SERPINE2: variants seen among roughly 807,000 people sequenced by gnomAD.
SERPINE2 encodes the protein serpin family E member 2.
A neutral mutation model predicts 36.3 loss-of-function variants in SERPINE2; 14 were observed. The observed-to-expected ratio is 0.39, with a 90% CI of 0.25 to 0.60. SERPINE2 has a LOEUF of 0.60. Among genes scored for constraint, SERPINE2 ranks in the 20% least tolerant of loss-of-function variants. The pLI is 0.57. For synonymous variants in SERPINE2, 192 were observed against 191.8 expected, an observed-to-expected ratio of 1.00 and a Z score of -0.01; for missense variants, 418 against 499.6, an observed-to-expected ratio of 0.84 and a Z score of 1.56.
At chr2:224,038,786 C>G (rs1439544243) in intron 1 of SERPINE2, 4 of 499,478 alleles carry the variant, frequency 8.0e-6, no homozygotes, top group African/African-American at 3.9e-5. Flanking sequence ...CCCCGGTGCT[C>G]CCAGCTGCGG....
In SERPINE2 at chr2:224,001,946, T is replaced by C. The variant is rs748146894; in HGVS notation, c.-22-24A>G. On this transcript the variant is annotated intron_variant, in intron 1 of 8. Transcript: ENST00000409304. ...ACCTGGAAAAGTAAGTTAAAAAATATTTAAATTATACTTAAATGGGTACTT... is the reference window on the plus strand; with the variant it reads ...ACCTGGAAAAGTAAGTTAAAAAATACTTAAATTATACTTAAATGGGTACTT... 2.5e-5 allele frequency: 40 copies of C among 1,579,120 alleles called. No homozygotes were observed. In the Admixed American group the frequency reaches 5.6e-4, roughly 22 times the overall value.
intron 7 of SERPINE2, chr2:223,979,117 G>A (rs1186756877): frequency 2.6e-5 from 4 of 152,234 alleles, no homozygotes; most frequent in Non-Finnish European, 5.9e-5. Flanking sequence ...ACGGTATTTT[G>A]TCATGGCAGC....
At chr2:223,994,667 A>G (rs1228439674) in intron 3 of SERPINE2, among the ~76,000 whole-genome samples, 1 of 152,230 alleles carries the variant, frequency 6.6e-6, no homozygotes, top group African/African-American at 2.4e-5. Context: ...GAATTACTCA[A>G]GGCTATGGAG....
At chr2:224,010,987 T>C (rs1691606244) in intron 1 of SERPINE2, among the ~76,000 whole-genome samples, 1 of 152,208 alleles carries the variant, frequency 6.6e-6, no homozygotes. Context: ...AAGACAATGC[T>C]GGTGCGTTTT....
chr2:224,039,171 G>A lies in SERPINE2; in HGVS notation c.-95C>T, dbSNP rs1361718512. The A allele has an allele frequency of 1.3e-5, 2 of 151,180 alleles. No homozygotes were observed. The highest frequency in any genetic ancestry group is 4.8e-5 in the African/African-American group (2 of 41,318). 9.4% of individuals were successfully genotyped at this position (151,180 alleles called of 1,614,324 possible). On this transcript the variant is annotated 5_prime_UTR_variant, in exon 1 of 9. Coordinates refer to ENST00000409304, the MANE Select transcript of SERPINE2 (RefSeq NM_001136528.2). The surrounding 1 kb of genome is among the most constrained non-coding windows in gnomAD (Gnocchi z 5.2). ...GCAACCGGAGCGGGAGCCTGGTCTC[G>A]GCGGCGCGGGGAGTCGGAGGACGCA...
chr2:224,035,432 G>A (rs572616829), intron 1 of SERPINE2, among the ~76,000 whole-genome samples: 6 of 147,378 alleles, frequency 4.1e-5, no homozygotes, highest in African/African-American at 7.4e-5. Context: ...ACCCAGGCTC[G>A]AGAACAGTGG....
chr2:223,978,809 C>G (rs536227606), intron 7 of SERPINE2: 1 of 152,358 alleles, frequency 6.6e-6, no homozygotes, highest in Admixed American at 6.5e-5. Flanking sequence ...GTGTCTCCCC[C>G]CAAATTCATA....
At chr2:224,030,357 G>T in intron 1 of SERPINE2, 1 of 351,412 alleles carries the variant, frequency 2.8e-6, no homozygotes, top group Non-Finnish European at 4.0e-6. Flanking sequence ...ATGAGTCTCA[G>T]AGAAGTGCTC....
chr2:224,024,383 G>A (rs948863480), intron 1 of SERPINE2, among the ~76,000 whole-genome samples: 10 of 152,202 alleles, frequency 6.6e-5, no homozygotes, highest in South Asian at 4.1e-4. Context: ...ACATGGTTCC[G>A]AACCTGGATT....
At chr2:224,029,718 G>C (rs975448301) in intron 1 of SERPINE2, among the ~76,000 whole-genome samples, 1 of 152,056 alleles carries the variant, frequency 6.6e-6, no homozygotes, top group Non-Finnish European at 1.5e-5. Context: ...GTTTTATTTT[G>C]AGACAGAGCC....
intron 1 of SERPINE2, among the ~76,000 whole-genome samples, chr2:224,005,868 G>C (rs1345788871): frequency 6.6e-6 from 1 of 152,218 alleles, no homozygotes; most frequent in Non-Finnish European, 1.5e-5. Flanking sequence ...TTGGAGGGAA[G>C]ATCATAAGCC....
intron 4 of SERPINE2, chr2:223,985,156 A>G: frequency 1.7e-6 from 1 of 578,546 alleles, no homozygotes; most frequent in South Asian, 2.1e-5. Flanking sequence ...GTCTAGACAG[A>G]ATGCCTTTGG....
At chr2:224,010,276 G>A in intron 1 of SERPINE2, 1 of 847,554 alleles carries the variant, frequency 1.2e-6, no homozygotes, top group South Asian at 5.4e-5. Context: ...TGCCTTCAAA[G>A]TGTATGCTCA....
chr2:224,036,167 C>G (rs1692528050), intron 1 of SERPINE2, among the ~76,000 whole-genome samples: 1 of 152,064 alleles, frequency 6.6e-6, no homozygotes, highest in Non-Finnish European at 1.5e-5. Context: ...GCTAGCTTAA[C>G]ATGCCAATCT....
At chr2:224,007,293 A>C (rs1310028884) in intron 1 of SERPINE2, among the ~76,000 whole-genome samples, 1 of 152,180 alleles carries the variant, frequency 6.6e-6, no homozygotes, top group Admixed American at 6.5e-5. Flanking sequence ...ATGAAGGAAA[A>C]GTTCTCCATG....
chr2:224,037,179 A>G (rs1692562741), intron 1 of SERPINE2, among the ~76,000 whole-genome samples: 1 of 152,222 alleles, frequency 6.6e-6, no homozygotes, highest in Admixed American at 6.5e-5. Flanking sequence ...ATGCTTAAGA[A>G]GATTTATTGG....
At chr2:224,023,114 C>T (rs889570825) in intron 1 of SERPINE2, among the ~76,000 whole-genome samples, 1 of 152,190 alleles carries the variant, frequency 6.6e-6, no homozygotes, top group Non-Finnish European at 1.5e-5. Flanking sequence ...AAGGTGAGAA[C>T]AGACTAATAC....
At chr2:224,016,014 G>A (rs143975692) in intron 1 of SERPINE2, among the ~76,000 whole-genome samples, 26 of 152,276 alleles carry the variant, frequency 1.7e-4, no homozygotes, top group Non-Finnish European at 2.6e-4. Context: ...TGGTAAATAC[G>A]TCCATTAAAA....
intron 1 of SERPINE2, among the ~76,000 whole-genome samples, chr2:224,025,536 T>C (rs1387196386): frequency 6.6e-6 from 1 of 152,262 alleles, no homozygotes; most frequent in Non-Finnish European, 1.5e-5. Flanking sequence ...ATAAACTTTA[T>C]GACTCACATG....
Sources: allele counts gnomAD v4.1 joint callset (sites outside exome capture counted in the v4.1 genomes callset), GRCh38; gene constraint gnomAD v4.1.1; non-coding constraint Gnocchi (gnomAD v3.1); transcripts MANE v1.5; gene names NCBI Gene and HGNC (gene_info 2026-07-23, HGNC 2026-07-21).